TENM1: variants seen among roughly 807,000 people sequenced by gnomAD.
The protein encoded by TENM1 is teneurin transmembrane protein 1.
In TENM1, 35 loss-of-function variants were observed where a neutral mutation model predicts 174.8. The observed-to-expected ratio is 0.20, with a 90% CI of 0.15 to 0.27. TENM1 has a LOEUF of 0.27. Ranked by LOEUF, TENM1 falls within the 10% of genes least tolerant of loss-of-function variation. The pLI is 1.00. For synonymous variants in TENM1, 781 were observed against 798.7 expected (o/e 0.98, Z 0.37); for missense variants, 1,633 against 2,130.1 (o/e 0.77, Z 4.59).
At chrX:124,824,075 T>C (rs1339245879) in intron 3 of TENM1, among the ~76,000 whole-genome samples, 1 of 111,909 alleles carries the variant, frequency 8.9e-6, no homozygotes, top group Non-Finnish European at 1.9e-5. Context: ...TTCCTTCCTT[T>C]CTTTATTTGT....
At chrX:124,412,762 T>C (rs2060551189) in intron 25 of TENM1, among the ~76,000 whole-genome samples, 1 of 112,743 alleles carries the variant, frequency 8.9e-6, no homozygotes, top group Non-Finnish European at 1.9e-5. Context: ...AGGGATACAG[T>C]GCTGAATGAA....
the TENM1 span, among the ~76,000 whole-genome samples, chrX:125,035,972 C>G: frequency 5.0e-4 from 55 of 110,846 alleles, no homozygotes; most frequent in African/African-American, 1.7e-3. Flanking sequence ...ATCTCTCAGG[C>G]TACTCTGGAG....
chrX:124,843,736 GTTC>G (rs762867813), intron 3 of TENM1, among the ~76,000 whole-genome samples: 8 of 111,646 alleles, frequency 7.2e-5, no homozygotes, highest in Non-Finnish European at 9.4e-5. Flanking sequence ...ACTTGTTTGT[GTTC>G]TTCTTCATAA....
At chrX:124,398,554 A>G (rs1258975644) in intron 27 of TENM1, among the ~76,000 whole-genome samples, 1 of 112,113 alleles carries the variant, frequency 8.9e-6, no homozygotes, top group Non-Finnish European at 1.9e-5. Context: ...TAATTTCTCT[A>G]GACATTTTAT....
rs2060472808 is a variant in TENM1, at chrX:124,407,216, T to A, written c.4983-727A>T. Among the ~76,000 whole-genome samples, 8 of 58,073 alleles carry A rather than the reference T, an allele frequency of 1.4e-4. No individual in the cohort carries two copies. In the South Asian group the frequency reaches 4.9e-3, roughly 35 times the overall value. The allele number at this position is 58,073 out of a possible 115,157, so 50.4% of individuals were successfully genotyped here. ...AAATATAGTCTAGGGAGTTTACTTTTTCCAAAAAAAAAAAAAAAAAAATCA... is the reference window on the plus strand; with the variant it reads ...AAATATAGTCTAGGGAGTTTACTTTATCCAAAAAAAAAAAAAAAAAAATCA... On this transcript the variant is annotated intron_variant, in intron 25 of 31. Transcript: ENST00000422452.
At chrX:124,426,917 G>A (rs12156733) in intron 23 of TENM1, among the ~76,000 whole-genome samples, 1,730 of 111,454 alleles carry the variant, frequency 0.016, 11 homozygotes, top group Non-Finnish European at 0.023. Context: ...CACTGAGAGG[G>A]AGAGTGAACG....
chrX:124,559,161 A>G (rs1184721086), intron 14 of TENM1, among the ~76,000 whole-genome samples: 7 of 112,177 alleles, frequency 6.2e-5, no homozygotes, highest in Non-Finnish European at 1.3e-4. Flanking sequence ...TGAGCCAGAA[A>G]TTATAATTGC....
the TENM1 span, among the ~76,000 whole-genome samples, chrX:125,102,539 C>G: frequency 8.9e-6 from 1 of 111,989 alleles, no homozygotes; most frequent in Non-Finnish European, 1.9e-5. Flanking sequence ...GAGAATCACT[C>G]AACCCTATGA....
At chrX:124,582,923 G>C (rs753883447) in intron 11 of TENM1, among the ~76,000 whole-genome samples, 3 of 112,302 alleles carry the variant, frequency 2.7e-5, no homozygotes, top group Non-Finnish European at 5.6e-5. Context: ...ACGGAGTCTC[G>C]CTGATTGCTA....
intron 23 of TENM1, among the ~76,000 whole-genome samples, chrX:124,450,285 G>A (rs942864949): frequency 9.2e-5 from 10 of 108,867 alleles, no homozygotes; most frequent in Non-Finnish European, 1.5e-4. Flanking sequence ...GCGTGAACCC[G>A]GGAGGCGGAG....
chrX:124,844,731 T>C (rs1013312638), intron 3 of TENM1, among the ~76,000 whole-genome samples: 4 of 112,061 alleles, frequency 3.6e-5, no homozygotes, highest in Non-Finnish European at 5.6e-5. Context: ...GCTATTCACC[T>C]GGTTCCCTGA....
chrX:124,877,851 A>G (rs756795350), intron 3 of TENM1, among the ~76,000 whole-genome samples: 2 of 111,829 alleles, frequency 1.8e-5, no homozygotes, highest in South Asian at 7.6e-4. Context: ...ATTGATTAAC[A>G]CATATTTTGT....
intron 3 of TENM1, among the ~76,000 whole-genome samples, chrX:124,820,326 C>A (rs1460813300): frequency 2.7e-5 from 3 of 111,211 alleles, no homozygotes; most frequent in Non-Finnish European, 5.7e-5. Context: ...TTCCTCCCAG[C>A]CGCCCCCCCA....
intron 5 of TENM1, among the ~76,000 whole-genome samples, chrX:124,696,023 T>C (rs2148480085): frequency 8.9e-6 from 1 of 112,184 alleles, no homozygotes; most frequent in South Asian, 3.7e-4. Context: ...TAGAACAGGC[T>C]GTGTTTTAGG....
intron 11 of TENM1, among the ~76,000 whole-genome samples, chrX:124,629,790 C>T (rs1017120289): frequency 8.9e-6 from 1 of 111,925 alleles, no homozygotes; most frequent in East Asian, 2.8e-4. Flanking sequence ...AGAAAAAGGT[C>T]CCAGGATCCT....
Position 124,392,309 on chromosome X carries a change from T to C in TENM1, c.5431A>G (p.Ile1811Val), listed in dbSNP as rs202217683. 1.5e-4 allele frequency: 186 copies of C among 1,207,712 alleles called. 2 individuals carry two copies. The highest frequency in any genetic ancestry group is 1.6e-4 in the Non-Finnish European group (142 of 893,250). ...TCATAGATCTTTCCTGTGCGGGTTA[T>C]ATGATCAAAATCTATGGAGAGTAGG... The change falls in exon 28 of 32, where the codon ATA becomes GTA. Residue 1811 changes from isoleucine to valine, a missense_variant. Coordinates refer to ENST00000422452, the Ensembl canonical transcript of TENM1.
At chrX:124,894,374 T>G in intron 2 of TENM1, 22 bp from the exon 6 acceptor site, 3 of 1,139,768 alleles carry the variant, frequency 2.6e-6, no homozygotes, top group Non-Finnish European at 3.6e-6. Flanking sequence ...AACATTTCAC[T>G]AGTTAAGCCT....
At chrX:124,447,680 C>T (rs747233194) in intron 23 of TENM1, among the ~76,000 whole-genome samples, 3 of 111,388 alleles carry the variant, frequency 2.7e-5, no homozygotes, top group Non-Finnish European at 5.7e-5. Flanking sequence ...GAAAAACTTG[C>T]GTCTCTTGGC....
chrX:125,049,528 G>C, the TENM1 span, among the ~76,000 whole-genome samples: 1 of 112,047 alleles, frequency 8.9e-6, no homozygotes. Flanking sequence ...TGTGGACATA[G>C]ATTTTCAATT....
Sources: gnomAD v4.1 joint callset for allele counts (sites outside exome capture counted in the v4.1 genomes callset) on GRCh38, gnomAD v4.1.1 for gene constraint, MANE v1.5 for transcripts, NCBI Gene and HGNC (gene_info 2026-07-23, HGNC 2026-07-21) for gene names.